The following IRF8 variants were observed in gnomAD, a reference collection of about 807,000 sequenced individuals.
IRF8 encodes the protein interferon regulatory factor 8.
In IRF8, 14 loss-of-function variants were observed where a neutral mutation model predicts 48.7. The observed-to-expected ratio is 0.29, with a 90% CI of 0.19 to 0.45. The LOEUF (loss-of-function observed/expected upper bound fraction) is 0.45, where lower values mean the gene tolerates loss of function less well. Among genes scored for constraint, IRF8 ranks in the 20% least tolerant of loss-of-function variants. The pLI is 1.00. For synonymous variants in IRF8, 278 were observed against 227.3 expected (o/e 1.22, Z -2.01); for missense variants, 493 against 580.7 (o/e 0.85, Z 1.55).
At position 85,903,211 on chromosome 16, in the gene IRF8, C is replaced by G. The variant is rs368057242; in HGVS notation, c.174+22C>G. On this transcript the variant is annotated intron_variant, in intron 2 of 8. Transcript: ENST00000268638. ...TAAGGTAAAGAGCCCAGCTCCCTTCCCCACTGTGGGCACAGTGTCTCCTTT... is the reference window on the plus strand; with the variant it reads ...TAAGGTAAAGAGCCCAGCTCCCTTCGCCACTGTGGGCACAGTGTCTCCTTT... 15 of 1,604,568 alleles carry G rather than the reference C, an allele frequency of 9.3e-6. No individual in the cohort carries two copies. In the Admixed American group the frequency reaches 1.2e-4, roughly 13 times the overall value.
rs1198799284 is a variant in IRF8 at position 85,913,189 on chromosome 16, G to C, written c.506G>C (p.Cys169Ser). ...AGGAGCCCTTCCCCGCCGGAGGCCT[G>C]TCGGAGTCAGCTCCTTCCAGACTGG... is the stretch of plus-strand genomic sequence containing the variant. ...IKRSPSPPEA[C>S]RSQLLPDWWA... The change falls in exon 5 of 9, where the codon TGT becomes TCT. Residue 169 changes from cysteine to serine, a missense_variant. By Grantham distance (112) the Cys-to-Ser change is moderately radical. Coordinates refer to ENST00000268638, the MANE Select transcript of IRF8 (RefSeq NM_002163.4). 2 of 1,614,188 alleles carry C rather than the reference G, an allele frequency of 1.2e-6. No homozygotes were observed. Among genetic ancestry groups the C allele is most frequent in the Non-Finnish European group, 1.7e-6 (2 of 1,180,010 alleles).
intron 2 of IRF8, among the ~76,000 whole-genome samples, chr16:85,906,217 C>T (rs1263758278): frequency 6.6e-6 from 1 of 152,128 alleles, no homozygotes; most frequent in African/African-American, 2.4e-5. Context: ...CAACATGAAA[C>T]AATCATATTA....
intron 2 of IRF8, 79 bp from the exon 3 acceptor site, chr16:85,908,911 G>A (rs1373887770): frequency 1.6e-6 from 2 of 1,217,998 alleles, no homozygotes; most frequent in Non-Finnish European, 2.4e-6. Flanking sequence ...GGAAGGATGT[G>A]TGGGGTCCTG....
At chr16:85,915,553 A>G (rs1464214637) in intron 6 of IRF8, among the ~76,000 whole-genome samples, 1 of 152,240 alleles carries the variant, frequency 6.6e-6, no homozygotes, top group Non-Finnish European at 1.5e-5. Flanking sequence ...CCGGCTTCAC[A>G]GATGAGGAGA....
At chr16:85,900,736 A>G (rs961946168) in intron 1 of IRF8, among the ~76,000 whole-genome samples, 3 of 152,146 alleles carry the variant, frequency 2.0e-5, no homozygotes, top group Non-Finnish European at 4.4e-5. Flanking sequence ...TTTCTAAAGT[A>G]TTTTCCAGCT....
intron 7 of IRF8, among the ~76,000 whole-genome samples, chr16:85,919,615 C>T (rs185986977): frequency 1.3e-5 from 2 of 152,220 alleles, no homozygotes; most frequent in Non-Finnish European, 2.9e-5. Context: ...ATTCCCGGGC[C>T]TACCTCACAT....
intron 6 of IRF8, among the ~76,000 whole-genome samples, chr16:85,917,146 C>T (rs949094376): frequency 6.6e-6 from 1 of 152,096 alleles, no homozygotes; most frequent in Non-Finnish European, 1.5e-5. Context: ...GACTCAGGGC[C>T]TCCCCAGATG....
chr16:85,909,302 T>C (rs1905082373), intron 3 of IRF8, 129 bp downstream of exon 3: 1 of 762,028 alleles, frequency 1.3e-6, no homozygotes, highest in Admixed American at 2.1e-5. Flanking sequence ...AGCAGTTCTC[T>C]CCTTCGTGTA....
chr16:85,921,588 A>C lies in IRF8; in HGVS notation c.*306A>C, dbSNP rs28368116. 2.7e-3 allele frequency: 1,054 copies of C among 392,972 alleles called. 2 individuals are homozygous for C. The highest frequency in any genetic ancestry group is 4.4e-3 in the Non-Finnish European group (923 of 210,142). The allele number at this position is 392,972 out of a possible 1,614,324, so 24.3% of individuals were successfully genotyped here. A position where few individuals can be genotyped will look rare whatever the true frequency, so the allele number is the denominator to read the frequency against. On this transcript the variant is annotated 3_prime_UTR_variant, in exon 9 of 9. Coordinates refer to ENST00000268638, the MANE Select transcript of IRF8 (RefSeq NM_002163.4). ...ATTCTTTCTGCATTTTCGGTTAACTATCATTTCCAAAGACTTGTCATTCAG... is the reference window on the plus strand; with the variant it reads ...ATTCTTTCTGCATTTTCGGTTAACTCTCATTTCCAAAGACTTGTCATTCAG...
chr16:85,906,678 A>G (rs961499453), intron 2 of IRF8, among the ~76,000 whole-genome samples: 1 of 152,230 alleles, frequency 6.6e-6, no homozygotes, highest in Non-Finnish European at 1.5e-5. Context: ...CAACGTTGCC[A>G]TGAAATCTGT....
rs202246734 is a variant in IRF8 at position 85,913,258 on chromosome 16, T to C, written c.553+22T>C. The C allele has an allele frequency of 6.3e-5, 97 of 1,542,726 alleles. 1 individual carries two copies. The Admixed American group carries it at 1.4e-3, about 21-fold the overall frequency. ...ACAGGTGAGGGTGGGTGGCCTAGAA[T>C]TGTCACCAGGCATGGCCTGAAGGGT... On this transcript the variant is annotated intron_variant, in intron 5 of 8. Transcript: ENST00000268638.
chr16:85,907,720 A>G (rs1179053657), intron 2 of IRF8, among the ~76,000 whole-genome samples: 3 of 152,184 alleles, frequency 2.0e-5, no homozygotes, highest in African/African-American at 4.8e-5. Flanking sequence ...AAAAATAAAA[A>G]AAGACAGCTA....
chr16:85,914,128 A>G (rs1768446077), intron 5 of IRF8: 2 of 360,656 alleles, frequency 5.5e-6, no homozygotes, highest in South Asian at 4.8e-5. Context: ...TCCCCCAGAG[A>G]TAAGCCCTGG....
At chr16:85,920,050 C>A (rs1436699126) in intron 7 of IRF8, 59 bp from the exon 8 acceptor site, 5 of 1,205,366 alleles carry the variant, frequency 4.1e-6, no homozygotes, top group Non-Finnish European at 6.1e-6. Context: ...CCTGCTGCTG[C>A]GGGAGTTGGA....
chr16:85,899,933 A>G (rs555819593), intron 1 of IRF8, among the ~76,000 whole-genome samples: 1 of 152,296 alleles, frequency 6.6e-6, no homozygotes, highest in South Asian at 2.1e-4. Flanking sequence ...GAAACTAGAG[A>G]CTGAATTTTC....
intron 4 of IRF8, among the ~76,000 whole-genome samples, chr16:85,912,281 C>G (rs914675752): frequency 2.0e-5 from 3 of 152,216 alleles, no homozygotes; most frequent in African/African-American, 7.2e-5. Flanking sequence ...CCCTTTTCTT[C>G]TGTCTTTGGC....
Position 85,921,159 on chromosome 16 carries a change from A to G in IRF8, c.1158A>G (p.Gly386=). The G allele has an allele frequency of 6.2e-7, 1 of 1,614,166 alleles. No individual in the cohort carries two copies. Among genetic ancestry groups the G allele is most frequent in the East Asian group, 2.2e-5 (1 of 44,884 alleles). The change falls in exon 9 of 9, where the codon GGA becomes GGG. Residue 386 remains glycine (G), a synonymous_variant. Transcript: ENST00000268638. ...QLAEEAGKSC[G]AGSVMQAPEE... ...CAGAAGAGGCTGGGAAGAGCTGTGG[A>G]GCCGGCTCTGTGATGCAGGCCCCCG...
In IRF8 at chr16:85,903,077, G is replaced by A; in HGVS notation, c.62G>A (p.Ser21Asn). The A allele has an allele frequency of 1.2e-6, 2 of 1,614,202 alleles. No homozygotes were observed. The highest frequency in any genetic ancestry group is 1.7e-6 in the Non-Finnish European group (2 of 1,180,014). The change falls in exon 2 of 9, where the codon AGC (serine) becomes AAC (asparagine). Residue 21 changes from serine (S) to asparagine (N), a missense_variant. Around this residue, in one of 3 missense-constraint regions of IRF8, gnomAD observed 54 missense variants for 59.9 expected, o/e 0.90. Coordinates refer to ENST00000268638, the MANE Select transcript of IRF8 (RefSeq NM_002163.4). ...TGGCTGATCGAGCAGATTGACAGTA[G>A]CATGTATCCAGGACTGATTTGGGAG... The part of the protein sequence containing the change: ...RQWLIEQIDS[S>N]MYPGLIWENE...
Position 85,918,423 on chromosome 16 carries a change from C to G in IRF8, c.608C>G (p.Ser203Cys). 1 of 1,595,264 alleles carries G rather than the reference C, an allele frequency of 6.3e-7. No homozygotes were observed. The highest frequency in any genetic ancestry group is 1.1e-5 in the South Asian group (1 of 90,554). The change falls in exon 7 of 9, where the codon TCC (serine) becomes TGC (cysteine). Residue 203 changes from serine (S) to cysteine (C), a missense_variant. By Grantham distance (112) the Ser-to-Cys change is moderately radical. Around this residue, in one of 3 missense-constraint regions of IRF8, gnomAD observed 408 missense variants for 449.6 expected, o/e 0.91. Coordinates refer to ENST00000268638, the MANE Select transcript of IRF8 (RefSeq NM_002163.4). ...GTGTCCCTCTTGTCCACAGCATTCT[C>G]CCAGATGGTGATCAGCTTCTACTAT... ...TTYDAHHSAFSQMVISFYYGG... is the reference protein window; with the variant it reads ...TTYDAHHSAFCQMVISFYYGG...
Sources: gnomAD v4.1 joint callset for allele counts (sites outside exome capture counted in the v4.1 genomes callset) on GRCh38, gnomAD v4.1.1 for gene constraint, gnomAD v4.1.1 regional missense constraint, MANE v1.5 for transcripts, NCBI Gene and HGNC (gene_info 2026-07-23, HGNC 2026-07-21) for gene names.